KHDRBS2: variants seen among roughly 807,000 people sequenced by gnomAD.
The protein encoded by KHDRBS2 is KH RNA binding domain containing, signal transduction associated 2, also known as KH domain-containing, RNA-binding, signal transduction-associated protein 2.
In KHDRBS2, 26 loss-of-function variants were observed where a neutral mutation model predicts 44.3. The observed-to-expected ratio is 0.59, with a 90% confidence interval of 0.43 to 0.81. KHDRBS2 has a LOEUF of 0.81. Among genes scored for constraint, KHDRBS2 ranks in the 40% least tolerant of loss-of-function variants. KHDRBS2 has a pLI of 0.00. For synonymous variants in KHDRBS2, 194 were observed against 151.1 expected (o/e 1.28, Z -2.08); for missense variants, 476 against 433.1 (o/e 1.10, Z -0.88).
intron 6 of KHDRBS2, among the ~76,000 whole-genome samples, chr6:61,881,508 C>A (rs1285330676): frequency 6.6e-6 from 1 of 151,724 alleles, no homozygotes; most frequent in Non-Finnish European, 1.5e-5. Context: ...ACTGAAAGAC[C>A]AAGGAAGAGA....
At chr6:61,688,274 G>A (rs1002626136) in intron 8 of KHDRBS2, among the ~76,000 whole-genome samples, 4 of 151,696 alleles carry the variant, frequency 2.6e-5, no homozygotes, top group African/African-American at 9.7e-5. Flanking sequence ...TTTCAAAATG[G>A]AACATACAGA....
the KHDRBS2 span, among the ~76,000 whole-genome samples, chr6:61,629,844 ATTTCAAATTTC>A: frequency 6.6e-6 from 1 of 152,234 alleles, no homozygotes; most frequent in Non-Finnish European, 1.5e-5. Context: ...TCTCTGATAA[ATTTCAAATTTC>A]TTTGTAAGAG....
intron 3 of KHDRBS2, among the ~76,000 whole-genome samples, chr6:61,985,375 G>A (rs17456614): frequency 6.6e-6 from 1 of 151,974 alleles, no homozygotes; most frequent in Non-Finnish European, 1.5e-5. Context: ...CTTTTCTGTA[G>A]AGATTCTTAT....
At chr6:61,724,697 T>C (rs1237323839) in intron 7 of KHDRBS2, among the ~76,000 whole-genome samples, 1 of 151,772 alleles carries the variant, frequency 6.6e-6, no homozygotes, top group East Asian at 1.9e-4. Flanking sequence ...CCAACAAAGA[T>C]CAAAATGGAC....
chr6:61,876,550 C>T (rs1799434462), intron 6 of KHDRBS2, among the ~76,000 whole-genome samples: 1 of 152,136 alleles, frequency 6.6e-6, no homozygotes, highest in African/African-American at 2.4e-5. Flanking sequence ...GCAAGACACT[C>T]ATCTGCCTGG....
chr6:61,903,539 G>A (rs1804437104), intron 4 of KHDRBS2, among the ~76,000 whole-genome samples: 1 of 152,150 alleles, frequency 6.6e-6, no homozygotes, highest in South Asian at 2.1e-4. Flanking sequence ...AAAGGATGAA[G>A]TCAAGGAGGC....
At chr6:61,808,925 A>C (rs554241128) in intron 6 of KHDRBS2, among the ~76,000 whole-genome samples, 6 of 152,242 alleles carry the variant, frequency 3.9e-5, no homozygotes, top group African/African-American at 1.4e-4. Flanking sequence ...TAGAATGTTA[A>C]ATGAAATTCA....
At chr6:61,941,026 G>T (rs1471005940) in intron 4 of KHDRBS2, among the ~76,000 whole-genome samples, 10 of 152,180 alleles carry the variant, frequency 6.6e-5, no homozygotes, top group African/African-American at 2.2e-4. Flanking sequence ...AGTGGCTGGG[G>T]GTTGTCCTCC....
At chr6:61,940,008 C>T (rs1466984155) in intron 4 of KHDRBS2, among the ~76,000 whole-genome samples, 2 of 151,908 alleles carry the variant, frequency 1.3e-5, no homozygotes, top group African/African-American at 4.8e-5. Context: ...TGATGCTGCT[C>T]ATGATGATAT....
chr6:61,971,008 A>G (rs1042700140), intron 4 of KHDRBS2, among the ~76,000 whole-genome samples: 4 of 152,140 alleles, frequency 2.6e-5, no homozygotes, highest in African/African-American at 9.6e-5. Context: ...CTTCTTATAG[A>G]AGAAGGAGTA....
At chr6:62,168,176 C>A (rs1192589606) in intron 2 of KHDRBS2, among the ~76,000 whole-genome samples, 3 of 152,072 alleles carry the variant, frequency 2.0e-5, no homozygotes, top group Non-Finnish European at 4.4e-5. Flanking sequence ...TGAAAACCAG[C>A]ACAGGGGAAT....
At chr6:61,764,771 G>C (rs1163671024) in intron 6 of KHDRBS2, among the ~76,000 whole-genome samples, 2 of 151,212 alleles carry the variant, frequency 1.3e-5, no homozygotes, top group Non-Finnish European at 2.9e-5. Context: ...TGTAGATTCT[G>C]GATATTAGAC....
chr6:61,772,908 G>A (rs1417857517), intron 6 of KHDRBS2, among the ~76,000 whole-genome samples: 2 of 151,930 alleles, frequency 1.3e-5, no homozygotes, highest in Non-Finnish European at 2.9e-5. Context: ...TTTTGTTCTT[G>A]CGATAGTTTA....
intron 7 of KHDRBS2, among the ~76,000 whole-genome samples, chr6:61,730,220 T>C (rs1774222099): frequency 6.6e-6 from 1 of 152,166 alleles, no homozygotes; most frequent in South Asian, 2.1e-4. Flanking sequence ...TTTATCATTA[T>C]TGTAATATAG....
At chr6:61,568,955 G>A in the KHDRBS2 span, among the ~76,000 whole-genome samples, 1 of 98,490 alleles carries the variant, frequency 1.0e-5, no homozygotes, top group Non-Finnish European at 2.3e-5. Context: ...GCAGATATAA[G>A]CATAGGAGTT....
At chr6:61,635,257 G>C in the KHDRBS2 span, among the ~76,000 whole-genome samples, 1 of 152,016 alleles carries the variant, frequency 6.6e-6, no homozygotes, top group South Asian at 2.1e-4. Context: ...AGGTCTCTAT[G>C]ATTTCAGAAA....
chr6:61,687,801 T>C (rs1356555098), intron 8 of KHDRBS2, among the ~76,000 whole-genome samples: 1 of 151,934 alleles, frequency 6.6e-6, no homozygotes, highest in African/African-American at 2.4e-5. Context: ...TTAAAAAATA[T>C]TCCTGACAAA....
rs372553796 is a variant in KHDRBS2, at chr6:61,968,613, T to C, written c.483+9453A>G. 1.9e-4 allele frequency among the ~76,000 whole-genome samples: 29 copies of C among 152,072 alleles called. 1 individual carries two copies. Among genetic ancestry groups the C allele is most frequent in the East Asian group, 1.5e-3 (8 of 5,192 alleles). ...AAGTCCAGAGTTGTCTATGTAACCATAAATAGGCATTATATGATTCTCTAA... is the reference window on the plus strand; with the variant it reads ...AAGTCCAGAGTTGTCTATGTAACCACAAATAGGCATTATATGATTCTCTAA... On this transcript the variant is annotated intron_variant, in intron 4 of 8. Transcript: ENST00000281156.
chr6:61,580,126 T>C, the KHDRBS2 span, among the ~76,000 whole-genome samples: 36 of 152,296 alleles, frequency 2.4e-4, no homozygotes, highest in African/African-American at 8.4e-4. Flanking sequence ...AAGAGAAGAT[T>C]GATGGGTCAA....
Sources: allele counts gnomAD v4.1 joint callset (sites outside exome capture counted in the v4.1 genomes callset), GRCh38; gene constraint gnomAD v4.1.1; transcripts MANE v1.5; gene names NCBI Gene and HGNC (gene_info 2026-07-23, HGNC 2026-07-21).